TGFB2: variants seen among roughly 807,000 people sequenced by gnomAD.
TGFB2 encodes the protein transforming growth factor beta 2.
Under a neutral mutation model 42.7 loss-of-function variants are expected in TGFB2, and 13 were observed. The observed-to-expected ratio is 0.30, with a 90% CI of 0.20 to 0.48. The LOEUF (loss-of-function observed/expected upper bound fraction) is 0.48. Ranked by LOEUF, TGFB2 falls within the 20% of genes least tolerant of loss-of-function variation. The probability of loss-of-function intolerance (pLI) is 0.99; values close to 1 mark genes in which losing one functional copy is unlikely to be tolerated. For missense variants in TGFB2, 390 were observed against 517.5 expected (o/e 0.75, Z 2.39); for synonymous variants, 193 against 193.6 (o/e 1.00, Z 0.03).
At chr1:218,381,094 A>T (rs980306361) in intron 1 of TGFB2, among the ~76,000 whole-genome samples, 1 of 152,178 alleles carries the variant, frequency 6.6e-6, no homozygotes, top group Admixed American at 6.5e-5. Context: ...ATCAAGCCGA[A>T]CCCCAACAAG....
intron 6 of TGFB2, among the ~76,000 whole-genome samples, chr1:218,438,491 A>G (rs1205671113): frequency 1.3e-5 from 2 of 152,216 alleles, no homozygotes; most frequent in African/African-American, 2.4e-5. Context: ...ATTAAAAGTT[A>G]TCTTTAAAAT....
chr1:218,434,369 C>T lies in TGFB2; in HGVS notation c.675C>T (p.His225=), dbSNP rs1017753992. 6.2e-7 allele frequency: 1 copy of T among 1,613,992 alleles called. No individual in the cohort carries two copies. The highest frequency in any genetic ancestry group is 8.5e-7 in the Non-Finnish European group (1 of 1,179,910). ...DRNLGFKISL[H]CPCCTFVPSN... ...ACCTGGGATTTAAAATAAGCTTACA[C>T]TGTCCCTGCTGCACTTTTGTACCAT... Residue 225 remains histidine, a synonymous_variant, in exon 4 of 7, where the codon CAC becomes CAT. Coordinates refer to ENST00000366930, the MANE Select transcript of TGFB2 (RefSeq NM_003238.6).
At chr1:218,414,239 A>G (rs528333859) in intron 2 of TGFB2, among the ~76,000 whole-genome samples, 2 of 152,004 alleles carry the variant, frequency 1.3e-5, no homozygotes, top group South Asian at 2.1e-4. Context: ...ACACACACAC[A>G]CACACACACA....
In TGFB2 at chr1:218,356,698, G is replaced by A. The variant is rs114989365; in HGVS notation, c.346+9651G>A. On this transcript the variant is annotated intron_variant, in intron 1 of 6. Coordinates refer to ENST00000366930, the MANE Select transcript of TGFB2 (RefSeq NM_003238.6). ...GTAATGTGCTTCTGGGGCTGGTTTC[G>A]CTTCTCCTCACAGGTGTCCTGTCTC... Among the ~76,000 whole-genome samples the A allele has an allele frequency of 8.5e-3, 1,298 of 152,226 alleles. 18 individuals carry two copies. The highest frequency in any genetic ancestry group is 0.029 in the African/African-American group (1,185 of 41,532).
chr1:218,420,938 C>A (rs1236062319), intron 2 of TGFB2, among the ~76,000 whole-genome samples: 1 of 152,156 alleles, frequency 6.6e-6, no homozygotes, highest in African/African-American at 2.4e-5. Context: ...TACTTACGAC[C>A]TCTTAGACAG....
chr1:218,409,030 T>C (rs1659009287), intron 2 of TGFB2, among the ~76,000 whole-genome samples: 1 of 152,200 alleles, frequency 6.6e-6, no homozygotes, highest in Non-Finnish European at 1.5e-5. Context: ...GCGTGCAACC[T>C]AGATCCCTAG....
intron 2 of TGFB2, among the ~76,000 whole-genome samples, chr1:218,431,984 A>T (rs1424373769): frequency 6.6e-6 from 1 of 152,174 alleles, no homozygotes; most frequent in Non-Finnish European, 1.5e-5. Flanking sequence ...ACGTTCCACT[A>T]TCTTATATTT....
chr1:218,398,722 G>A (rs1373576314), intron 1 of TGFB2, among the ~76,000 whole-genome samples: 3 of 151,954 alleles, frequency 2.0e-5, no homozygotes, highest in Non-Finnish European at 4.4e-5. Context: ...CGAGTAGCTG[G>A]GGCTATAGAC....
In TGFB2 at chr1:218,425,190, TTTTG is replaced by T. The variant is rs376036968; in HGVS notation, c.511-8872_511-8869del. 8.5e-5 allele frequency among the ~76,000 whole-genome samples: 13 copies of T among 152,188 alleles called. No individual in the cohort carries two copies. In the South Asian group the frequency reaches 1.5e-3, roughly 17 times the overall value. On this transcript the variant is annotated intron_variant, in intron 2 of 6. Transcript: ENST00000366930. ...CACCTAAGTGCTTCAGGCTTCCGTT[TTTTG>T]TTTGTTTGTTTGTTTGTTTTTGTTT...
chr1:218,375,354 C>G (rs1027223716), intron 1 of TGFB2, among the ~76,000 whole-genome samples: 3 of 150,344 alleles, frequency 2.0e-5, no homozygotes, highest in African/African-American at 4.9e-5. Context: ...TACAGGGGAC[C>G]TGGGTAAAAT....
intron 1 of TGFB2, among the ~76,000 whole-genome samples, chr1:218,395,483 C>G (rs933159124): frequency 6.6e-6 from 1 of 152,206 alleles, no homozygotes; most frequent in Non-Finnish European, 1.5e-5. Context: ...ACCTTCAACT[C>G]AGGACTCCTT....
At chr1:218,358,052 G>A (rs186512802) in intron 1 of TGFB2, among the ~76,000 whole-genome samples, 1 of 152,330 alleles carries the variant, frequency 6.6e-6, no homozygotes, top group African/African-American at 2.4e-5. Flanking sequence ...TGACAAGCTA[G>A]TTTGCAAATA....
intron 6 of TGFB2, among the ~76,000 whole-genome samples, chr1:218,439,247 A>G (rs1347515900): frequency 6.6e-6 from 1 of 152,066 alleles, no homozygotes; most frequent in South Asian, 2.1e-4. Flanking sequence ...CATTTGCTCT[A>G]TCTTAGTGGG....
intron 2 of TGFB2, 51 bp from the exon 3 acceptor site, chr1:218,434,031 T>A (rs768779531): frequency 6.2e-7 from 1 of 1,606,808 alleles, no homozygotes; most frequent in Non-Finnish European, 8.5e-7. Context: ...GGTTTAGTCA[T>A]GCTGTCAGAA....
chr1:218,354,314 G>A (rs1656963635), intron 1 of TGFB2, among the ~76,000 whole-genome samples: 1 of 152,172 alleles, frequency 6.6e-6, no homozygotes, highest in African/African-American at 2.4e-5. Context: ...CAGGGAAAAT[G>A]TGTCTGATGG....
chr1:218,411,538 G>A (rs1659098184), intron 2 of TGFB2, among the ~76,000 whole-genome samples: 1 of 152,132 alleles, frequency 6.6e-6, no homozygotes, highest in African/African-American at 2.4e-5. Context: ...GGACTCAGGT[G>A]TGCAAATGTC....
chr1:218,387,220 A>C (rs992911477), intron 1 of TGFB2, among the ~76,000 whole-genome samples: 1 of 144,250 alleles, frequency 6.9e-6, no homozygotes, highest in Admixed American at 6.9e-5. Flanking sequence ...GGGCTGGGGC[A>C]GAGTCCAGTA....
intron 1 of TGFB2, among the ~76,000 whole-genome samples, chr1:218,400,288 C>A (rs1016753393): frequency 2.0e-5 from 3 of 151,820 alleles, no homozygotes; most frequent in African/African-American, 7.3e-5. Context: ...TCCATGGTCT[C>A]CCTCTCTCTG....
intron 1 of TGFB2, among the ~76,000 whole-genome samples, chr1:218,379,857 T>C (rs1038187493): frequency 6.6e-6 from 1 of 152,204 alleles, no homozygotes; most frequent in South Asian, 2.1e-4. Flanking sequence ...CTTCTTTTAC[T>C]TACTTAAGGA....
Sources: gnomAD v4.1 joint callset for allele counts (sites outside exome capture counted in the v4.1 genomes callset) on GRCh38, gnomAD v4.1.1 for gene constraint, MANE v1.5 for transcripts, NCBI Gene and HGNC (gene_info 2026-07-23, HGNC 2026-07-21) for gene names.